SPIN1: variants seen among roughly 807,000 people sequenced by gnomAD.
SPIN1 encodes spindlin-1.
SPIN1 carries 3 observed loss-of-function variants against 26.0 expected under a neutral mutation model. The ratio of observed to expected loss-of-function variants is 0.12; its 90% CI spans 0.05 to 0.30. The LOEUF (loss-of-function observed/expected upper bound fraction) is 0.30. SPIN1 is among the 10% of genes least tolerant of loss of function. The probability of loss-of-function intolerance (pLI) is 1.00; values close to 1 mark genes in which losing one functional copy is unlikely to be tolerated. For synonymous variants in SPIN1, 101 were observed against 116.5 expected, an observed-to-expected ratio of 0.87 and a Z score of 0.86; for missense variants, 126 against 333.4, an observed-to-expected ratio of 0.38 and a Z score of 4.84.
Position 88,426,295 on chromosome 9 carries a change from T to C in SPIN1, c.-158-87T>C, listed in dbSNP as rs148886759. The stretch of plus-strand genomic sequence containing the variant: ...ACAAAATGCACTTTAGCTAATACTT[T>C]TGCTTAAAATTTTATGTTTAATGGC... On this transcript the variant is annotated intron_variant, in intron 1 of 5. Coordinates refer to ENST00000375859, the MANE Select transcript of SPIN1 (RefSeq NM_006717.3). 2.6e-4 allele frequency: 90 copies of C among 344,248 alleles called. No individual in the cohort carries two copies. In the East Asian group the frequency reaches 4.7e-3, roughly 18 times the overall value. The allele number at this position is 344,248 out of a possible 1,614,324, so 21.3% of individuals were successfully genotyped here. A position where few individuals can be genotyped will look rare whatever the true frequency, so the allele number is the denominator to read the frequency against.
intron 5 of SPIN1, among the ~76,000 whole-genome samples, chr9:88,471,654 C>CAAAAAAAAAAAAAA (rs1166469042): frequency 1.7e-5 from 1 of 59,748 alleles, no homozygotes. Context: ...GACTCTGTCT[C>CAAAAAAAAAAAAAA]AAAAAAAAAA....
In SPIN1 at chr9:88,477,255, G is replaced by C. The variant is rs529533498; in HGVS notation, c.*1978G>C. 6.6e-6 allele frequency: 1 copy of C among 152,314 alleles called. No homozygotes were observed. The highest frequency in any genetic ancestry group is 1.5e-5 in the Non-Finnish European group (1 of 68,032). The allele number at this position is 152,314 out of a possible 1,614,324, so 9.4% of individuals were successfully genotyped here. Reference sequence around the variant, plus strand: ...GACTGACATTACAGCGCAAGAGTTTGCAAGTGTGTCCAGCATGCACCAACT... The same window carrying C: ...GACTGACATTACAGCGCAAGAGTTTCCAAGTGTGTCCAGCATGCACCAACT... On this transcript the variant is annotated 3_prime_UTR_variant, in exon 6 of 6. Transcript: ENST00000375859.
chr9:88,472,568 C>T (rs1346350085), intron 5 of SPIN1, among the ~76,000 whole-genome samples: 1 of 152,100 alleles, frequency 6.6e-6, no homozygotes, highest in Non-Finnish European at 1.5e-5. Flanking sequence ...TCTTGGCTCA[C>T]TACAACCTCC....
In SPIN1 at chr9:88,449,040, C is replaced by T. The variant is rs373035000; in HGVS notation, c.101+51C>T. On this transcript the variant is annotated intron_variant, in intron 3 of 5. Transcript: ENST00000375859. ...GATAGTGTTTTGTGACCTTTTGTTA[C>T]GCAGCATACAAGATCACCTAGGTAA... 174 of 1,581,780 alleles carry T rather than the reference C, an allele frequency of 1.1e-4. 1 individual carries two copies. The highest frequency in any genetic ancestry group is 1.7e-4 in the Middle Eastern group (1 of 5,994).
At chr9:88,472,865 T>C (rs1324308246) in intron 5 of SPIN1, among the ~76,000 whole-genome samples, 2 of 152,244 alleles carry the variant, frequency 1.3e-5, no homozygotes, top group African/African-American at 4.8e-5. Flanking sequence ...TTGAATTGTT[T>C]TCTTAATTTC....
At chr9:88,418,037 G>A (rs1437903180) in intron 1 of SPIN1, among the ~76,000 whole-genome samples, 1 of 152,164 alleles carries the variant, frequency 6.6e-6, no homozygotes, top group Admixed American at 6.5e-5. Flanking sequence ...ATGTGTTCAC[G>A]AACCTTAAGT....
chr9:88,397,650 C>A (rs946230446), intron 1 of SPIN1, among the ~76,000 whole-genome samples: 1 of 150,770 alleles, frequency 6.6e-6, no homozygotes, highest in Non-Finnish European at 1.5e-5. Flanking sequence ...TTTCCCCAGT[C>A]TTGCTCTGTC....
At chr9:88,429,077 G>A (rs1378249678) in intron 2 of SPIN1, among the ~76,000 whole-genome samples, 1 of 152,048 alleles carries the variant, frequency 6.6e-6, no homozygotes, top group Non-Finnish European at 1.5e-5. Context: ...GTGTTGCCCA[G>A]GCTGGTCTTC....
intron 1 of SPIN1, among the ~76,000 whole-genome samples, chr9:88,409,474 G>A (rs1457723320): frequency 6.6e-6 from 1 of 151,924 alleles, no homozygotes; most frequent in African/African-American, 2.4e-5. Context: ...TCTATCTCAG[G>A]CATCTTAGGG....
At chr9:88,406,780 TC>T (rs973314372) in intron 1 of SPIN1, among the ~76,000 whole-genome samples, 1 of 152,174 alleles carries the variant, frequency 6.6e-6, no homozygotes, top group African/African-American at 2.4e-5. Context: ...TTATGTTTGT[TC>T]TGCTGTTCTA....
intron 1 of SPIN1, among the ~76,000 whole-genome samples, chr9:88,396,693 G>A (rs1475898014): frequency 6.6e-6 from 1 of 152,090 alleles, no homozygotes; most frequent in East Asian, 1.9e-4. Flanking sequence ...TATAGTTGGT[G>A]TACATATAGC....
chr9:88,424,420 G>A, intron 1 of SPIN1, among the ~76,000 whole-genome samples: 1 of 152,102 alleles, frequency 6.6e-6, no homozygotes, highest in East Asian at 1.9e-4. Flanking sequence ...CTCTAGGAAG[G>A]GATTTGGGTT....
chr9:88,419,726 C>T (rs10217266), intron 1 of SPIN1, among the ~76,000 whole-genome samples: 49,980 of 152,082 alleles, frequency 0.33, 15,430 homozygotes, highest in African/African-American at 0.82. Flanking sequence ...TTAAAAAATA[C>T]TTTGCCATGT....
In SPIN1 at chr9:88,462,545, C is replaced by A; in HGVS notation, c.151C>A (p.Arg51=). The A allele has an allele frequency of 7.4e-6, 12 of 1,614,036 alleles. No homozygotes were observed. Among genetic ancestry groups the A allele is most frequent in the Non-Finnish European group, 1.0e-5 (12 of 1,179,984 alleles). Residue 51 remains arginine (R), a synonymous_variant, in exon 4 of 6, where the codon CGG becomes AGG. Transcript: ENST00000375859. ...GAGCAAACCTGTTTCCCAGCCCCGG[C>A]GGAACATCGTAGGCTGCAGGATTCA... ...GPSKPVSQPR[R]NIVGCRIQHG...
chr9:88,457,043 T>C (rs1828486648), intron 3 of SPIN1, among the ~76,000 whole-genome samples: 1 of 152,200 alleles, frequency 6.6e-6, no homozygotes, highest in Non-Finnish European at 1.5e-5. Context: ...ATGAAAAGTA[T>C]GACAGGGCAG....
chr9:88,449,584 A>AT lies in SPIN1; in HGVS notation c.101+604dup, dbSNP rs140023027. ...CTTACAGAAGCCACTTTTTTCCCTA[A>AT]TTTTTTTTTGTGTGTGACATAGTTA... On this transcript the variant is annotated intron_variant, in intron 3 of 5. Transcript: ENST00000375859. 2.1e-4 allele frequency among the ~76,000 whole-genome samples: 32 copies of AT among 151,708 alleles called. No homozygotes were observed. The East Asian group carries it at 3.9e-3, about 18-fold the overall frequency.
chr9:88,402,435 A>G (rs575741358), intron 1 of SPIN1, among the ~76,000 whole-genome samples: 35 of 151,878 alleles, frequency 2.3e-4, no homozygotes, highest in Non-Finnish European at 4.6e-4. Flanking sequence ...GTTTGTACCC[A>G]TTAACCAACC....
intron 1 of SPIN1, chr9:88,410,733 A>G (rs1405071154): frequency 2.6e-5 from 36 of 1,398,884 alleles, no homozygotes; most frequent in Non-Finnish European, 3.6e-5. Flanking sequence ...CACCACCTCC[A>G]AAATTGCTTC....
chr9:88,392,005 T>G (rs1826932093), intron 1 of SPIN1, among the ~76,000 whole-genome samples: 1 of 152,132 alleles, frequency 6.6e-6, no homozygotes, highest in Non-Finnish European at 1.5e-5. Context: ...CGCAAAGCCT[T>G]TTAAAACCTT....
Sources: gnomAD v4.1 joint callset for allele counts (sites outside exome capture counted in the v4.1 genomes callset) on GRCh38, gnomAD v4.1.1 for gene constraint, MANE v1.5 for transcripts, NCBI Gene and HGNC (gene_info 2026-07-23, HGNC 2026-07-21) for gene names.